Variants in COL4A2 observed in about 807,000 individuals in gnomAD.
COL4A2 encodes the protein collagen type IV alpha 2 chain, also known as collagen alpha-2(IV) chain.
A neutral mutation model predicts 200.2 loss-of-function variants in COL4A2; 99 were observed. The ratio of observed to expected loss-of-function variants is 0.49; its 90% CI spans 0.42 to 0.58. The LOEUF is 0.58. COL4A2 is among the 20% of genes least tolerant of loss of function. The pLI is 0.00. For synonymous variants in COL4A2, 897 were observed against 900.6 expected (o/e 1.00, Z 0.07); for missense variants, 1,950 against 2,314.1 (o/e 0.84, Z 3.23).
chr13:110,489,548 T>C (rs1328406514), intron 35 of COL4A2, 40 bp downstream of exon 35: 1 of 1,611,198 alleles, frequency 6.2e-7, no homozygotes, highest in African/African-American at 1.3e-5. Context: ...GAGTCCACAA[T>C]TCAGAGCTCT....
chr13:110,423,841 AT>A (rs1201232609), intron 4 of COL4A2, among the ~76,000 whole-genome samples: 1 of 152,128 alleles, frequency 6.6e-6, no homozygotes, highest in African/African-American at 2.4e-5. Flanking sequence ...TGACTGGCTC[AT>A]TTCACTCAGC....
chr13:110,390,403 G>T (rs1480334838), intron 4 of COL4A2, among the ~76,000 whole-genome samples: 1 of 152,236 alleles, frequency 6.6e-6, no homozygotes, highest in Non-Finnish European at 1.5e-5. Flanking sequence ...TGAAACCTTT[G>T]CAGTTGGAGC....
chr13:110,446,971 A>C, intron 18 of COL4A2, 107 bp downstream of exon 18: 1 of 795,492 alleles, frequency 1.3e-6, no homozygotes, highest in South Asian at 2.4e-5. Context: ...GCAACCCTAA[A>C]ACTTAAAGTA....
rs1360685336 is a variant in COL4A2 at position 110,462,173 on chromosome 13, A to G, written c.1656A>G (p.Thr552=). Residue 552 remains threonine, a synonymous_variant, in exon 23 of 48, where the codon ACA becomes ACG. Coordinates refer to ENST00000360467, the MANE Select transcript of COL4A2 (RefSeq NM_001846.4). ...GPKGAKGDSR[T]ITTKGERGQP... ...AAGGAGCAAAAGGAGATTCCAGAAC[A>G]ATCACAACCAAAGGTGAGTTCCTCT... 1.9e-6 allele frequency: 3 copies of G among 1,614,152 alleles called. No individual in the cohort carries two copies. The highest frequency in any genetic ancestry group is 4.5e-5 in the East Asian group (2 of 44,898).
At chr13:110,330,681 C>T (rs532078591) in intron 3 of COL4A2, among the ~76,000 whole-genome samples, 14 of 152,308 alleles carry the variant, frequency 9.2e-5, no homozygotes, top group African/African-American at 2.2e-4. Context: ...GGGGTCCCCG[C>T]GGCCTGCGGT....
intron 4 of COL4A2, among the ~76,000 whole-genome samples, chr13:110,365,447 T>C (rs1488020406): frequency 6.6e-6 from 1 of 152,174 alleles, no homozygotes; most frequent in South Asian, 2.1e-4. Flanking sequence ...GGCCTGGCAT[T>C]TTCTTTAATT....
intron 6 of COL4A2, among the ~76,000 whole-genome samples, chr13:110,426,049 A>C (rs1244216209): frequency 6.6e-6 from 1 of 152,230 alleles, no homozygotes; most frequent in African/African-American, 2.4e-5. Context: ...TGAACAAATA[A>C]GGAAATAATG....
chr13:110,498,718 T>C (rs902453955), intron 40 of COL4A2, among the ~76,000 whole-genome samples: 3 of 152,188 alleles, frequency 2.0e-5, no homozygotes, highest in African/African-American at 7.2e-5. Flanking sequence ...GTAGGATAAT[T>C]TTCTGACATC....
rs1453494431 is a variant in COL4A2 at position 110,468,452 on chromosome 13, T to C, written c.2096-765T>C. 1.8e-5 allele frequency: 7 copies of C among 392,594 alleles called. No individual in the cohort carries two copies. The Admixed American group carries it at 2.1e-4, about 12-fold the overall frequency. 24.3% of individuals were successfully genotyped at this position (392,594 alleles called of 1,614,324 possible). A position where few individuals can be genotyped will look rare whatever the true frequency, so the allele number is the denominator to read the frequency against. On this transcript the variant is annotated intron_variant, in intron 27 of 47. Coordinates refer to ENST00000360467, the MANE Select transcript of COL4A2 (RefSeq NM_001846.4). ...TCAGCACACACCCAGACTACAGCCG[T>C]GTGCCAAGGCCGGTCTCCGGGAAAG...
intron 4 of COL4A2, among the ~76,000 whole-genome samples, chr13:110,407,664 A>T (rs1258888565): frequency 1.3e-5 from 2 of 152,236 alleles, no homozygotes; most frequent in East Asian, 3.9e-4. Context: ...TTCCAGAGTT[A>T]ATGCAAGCAA....
chr13:110,321,331 AT>A (rs1885274811), intron 3 of COL4A2, among the ~76,000 whole-genome samples: 1 of 152,164 alleles, frequency 6.6e-6, no homozygotes, highest in South Asian at 2.1e-4. Flanking sequence ...GGTAAAATAT[AT>A]GTAACATAAA....
intron 3 of COL4A2, among the ~76,000 whole-genome samples, chr13:110,328,068 A>G (rs1390448411): frequency 6.6e-6 from 1 of 152,254 alleles, no homozygotes; most frequent in Non-Finnish European, 1.5e-5. Context: ...ACTTTGCAGT[A>G]AACTGTAGGC....
At chr13:110,400,727 A>G (rs955105716) in intron 4 of COL4A2, among the ~76,000 whole-genome samples, 1 of 152,224 alleles carries the variant, frequency 6.6e-6, no homozygotes, top group African/African-American at 2.4e-5. Flanking sequence ...AGAGTTATTC[A>G]GAAGATAAAG....
chr13:110,430,685 G>T (rs1880646407), intron 10 of COL4A2, 78 bp downstream of exon 10: 2 of 1,573,336 alleles, frequency 1.3e-6, no homozygotes, highest in South Asian at 1.1e-5. Flanking sequence ...TTCAATGGTT[G>T]ACTCCAGATG....
At chr13:110,311,664 C>T (rs1445157928) in intron 3 of COL4A2, among the ~76,000 whole-genome samples, 1 of 152,188 alleles carries the variant, frequency 6.6e-6, no homozygotes, top group Non-Finnish European at 1.5e-5. Flanking sequence ...CCTCGGCTGC[C>T]TATTCTAACC....
In COL4A2 at chr13:110,493,549, A is replaced by C. The variant is rs568125723; in HGVS notation, c.3634+267A>C. ...GGCTTTTAGACGGAGAGAGAAATAG[A>C]GTCCTTGCTTTTTCAGCAGCACCGT... On this transcript the variant is annotated intron_variant, in intron 39 of 47. Coordinates refer to ENST00000360467, the MANE Select transcript of COL4A2 (RefSeq NM_001846.4). Among the ~76,000 whole-genome samples, 12 of 152,202 alleles carry C rather than the reference A, an allele frequency of 7.9e-5. No homozygotes were observed. In the South Asian group the frequency reaches 2.3e-3, roughly 29 times the overall value.
chr13:110,473,556 T>G, intron 29 of COL4A2: 1 of 174,742 alleles, frequency 5.7e-6, no homozygotes, highest in Non-Finnish European at 1.2e-5. Context: ...TGGAATGCAA[T>G]TCTATTGGTG....
intron 4 of COL4A2, among the ~76,000 whole-genome samples, chr13:110,397,962 A>G (rs891868703): frequency 5.3e-5 from 8 of 152,350 alleles, no homozygotes; most frequent in African/African-American, 1.4e-4. Context: ...CGTATGGAGA[A>G]GAAGTCATCT....
intron 28 of COL4A2, among the ~76,000 whole-genome samples, chr13:110,470,005 T>C (rs1249845419): frequency 6.9e-6 from 1 of 144,946 alleles, no homozygotes; most frequent in Non-Finnish European, 1.5e-5. Context: ...ACCTCCGCCT[T>C]CTGGGTTCAA....
Sources: gnomAD v4.1 joint callset for allele counts (sites outside exome capture counted in the v4.1 genomes callset) on GRCh38, gnomAD v4.1.1 for gene constraint, MANE v1.5 for transcripts, NCBI Gene and HGNC (gene_info 2026-07-23, HGNC 2026-07-21) for gene names.